The following P2RX7 variants were observed in gnomAD, a reference collection of about 807,000 sequenced individuals.
P2RX7 encodes the protein purinergic receptor P2X 7.
Under a neutral mutation model 71.6 loss-of-function variants are expected in P2RX7, and 62 were observed. The ratio of observed to expected loss-of-function variants is 0.87; its 90% CI spans 0.71 to 1.07. The LOEUF (loss-of-function observed/expected upper bound fraction) is 1.07, where lower values mean the gene tolerates loss of function less well. Ranked by LOEUF, P2RX7 falls within the 50% of genes least tolerant of loss-of-function variation. The pLI is 0.00. For synonymous variants in P2RX7, 299 were observed against 283.3 expected, an observed-to-expected ratio of 1.06 and a Z score of -0.56; for missense variants, 686 against 748.5, an observed-to-expected ratio of 0.92 and a Z score of 0.97.
At chr12:121,151,111 C>T (rs1877300207) in intron 1 of P2RX7, among the ~76,000 whole-genome samples, 1 of 152,144 alleles carries the variant, frequency 6.6e-6, no homozygotes, top group Non-Finnish European at 1.5e-5. Context: ...GCAGCCTGAG[C>T]TACTTGGGAG....
rs375932983 is a variant in P2RX7 at position 121,170,572 on chromosome 12, C to T, written c.881+2948C>T. 6.6e-5 allele frequency among the ~76,000 whole-genome samples: 10 copies of T among 152,168 alleles called. No individual in the cohort carries two copies. The East Asian group carries it at 1.7e-3, about 26-fold the overall frequency. On this transcript the variant is annotated intron_variant, in intron 8 of 12. Coordinates refer to ENST00000328963, the MANE Select transcript of P2RX7 (RefSeq NM_002562.6). ...GGAGGATCACCTGAGGTCAGGAGTT[C>T]GAGACCAGCCTGGCCAACATGGTGA...
chr12:121,136,620 C>G (rs1363631642), intron 1 of P2RX7, among the ~76,000 whole-genome samples: 3 of 151,210 alleles, frequency 2.0e-5, no homozygotes, highest in African/African-American at 7.3e-5. Flanking sequence ...CTTTGTCTGG[C>G]CTACAATTCC....
rs549584444 is a variant in P2RX7 at position 121,133,584 on chromosome 12, A to G, written c.125+489A>G. 4.6e-5 allele frequency among the ~76,000 whole-genome samples: 7 copies of G among 152,346 alleles called. No individual in the cohort carries two copies. In the South Asian group the frequency reaches 1.0e-3, roughly 23 times the overall value. On this transcript the variant is annotated intron_variant, in intron 1 of 12. Coordinates refer to ENST00000328963, the MANE Select transcript of P2RX7 (RefSeq NM_002562.6). ...AGAAACTTACTGAGATATAATTTAT[A>G]CACCATACAATTGACCCATTTAAAG...
intron 1 of P2RX7, among the ~76,000 whole-genome samples, chr12:121,135,743 C>G (rs548548107): frequency 1.3e-5 from 2 of 151,728 alleles, no homozygotes; most frequent in South Asian, 4.2e-4. Context: ...TGGCCCATGC[C>G]TGTAATTCCA....
chr12:121,134,274 C>G (rs757826777), intron 1 of P2RX7, among the ~76,000 whole-genome samples: 1 of 152,150 alleles, frequency 6.6e-6, no homozygotes, highest in African/African-American at 2.4e-5. Context: ...GAATGTGGAG[C>G]TGAATTTCAC....
intron 3 of P2RX7, 21 bp downstream of exon 3, chr12:121,156,168 G>A: frequency 6.2e-7 from 1 of 1,600,824 alleles, no homozygotes; most frequent in Non-Finnish European, 8.6e-7. Context: ...GACCTGGAGT[G>A]GTGGGTCAGG....
At chr12:121,140,419 A>G (rs1874607280) in intron 1 of P2RX7, among the ~76,000 whole-genome samples, 1 of 152,186 alleles carries the variant, frequency 6.6e-6, no homozygotes, top group Non-Finnish European at 1.5e-5. Context: ...CACTGTGCAG[A>G]GCATAGAGTG....
chr12:121,139,358 G>A (rs140455410), intron 1 of P2RX7, among the ~76,000 whole-genome samples: 2 of 152,220 alleles, frequency 1.3e-5, no homozygotes, highest in Admixed American at 6.5e-5. Context: ...CTGGAGACCA[G>A]TCCTCACAGA....
intron 1 of P2RX7, among the ~76,000 whole-genome samples, chr12:121,143,222 A>G (rs1418241983): frequency 1.1e-5 from 1 of 88,206 alleles, no homozygotes; most frequent in African/African-American, 7.4e-5. Context: ...TCTCTCTACT[A>G]AAAAAAAAAA....
chr12:121,134,768 C>T (rs534613428), intron 1 of P2RX7, among the ~76,000 whole-genome samples: 52 of 151,400 alleles, frequency 3.4e-4, no homozygotes, highest in African/African-American at 9.8e-4. Context: ...TTTGAATTTC[C>T]CTGATGGTGA....
At chr12:121,148,513 C>G (rs889033985) in intron 1 of P2RX7, among the ~76,000 whole-genome samples, 1 of 152,140 alleles carries the variant, frequency 6.6e-6, no homozygotes, top group African/African-American at 2.4e-5. Context: ...CCGCACCCAG[C>G]TGTGATCTTA....
Position 121,165,385 on chromosome 12 carries a change from T to C in P2RX7, c.562T>C (p.Phe188Leu), listed in dbSNP as rs1259565310. 5.6e-6 allele frequency: 9 copies of C among 1,613,908 alleles called. No individual in the cohort carries two copies. In the South Asian group the frequency reaches 9.9e-5, roughly 18 times the overall value. The change falls in exon 6 of 13, where the codon TTC becomes CTC. Residue 188 changes from phenylalanine to leucine, a missense_variant. Physicochemically the swap from Phe to Leu is conservative, Grantham distance 22 (BLOSUM62 0). Transcript: ENST00000328963. ...RPALLNSAEN[F>L]TVLIKNNIDF... is the part of the protein sequence containing the mutation. ...TGCTCTCTTGAACAGTGCCGAAAAC[T>C]TCACTGTGCTCATCAAGAACAATAT...
chr12:121,156,632 TCTC>T (rs1878632711), intron 3 of P2RX7, among the ~76,000 whole-genome samples: 1 of 152,130 alleles, frequency 6.6e-6, no homozygotes, highest in South Asian at 2.1e-4. Context: ...ACTCACAGCT[TCTC>T]CTACCATGGT....
At chr12:121,160,153 T>C (rs1340735930) in intron 3 of P2RX7, among the ~76,000 whole-genome samples, 5 of 151,838 alleles carry the variant, frequency 3.3e-5, no homozygotes, top group African/African-American at 1.2e-4. Flanking sequence ...TTCCTTCCTT[T>C]CTTTCTTTTT....
At chr12:121,167,084 G>C (rs943284075) in intron 7 of P2RX7, among the ~76,000 whole-genome samples, 1 of 151,218 alleles carries the variant, frequency 6.6e-6, no homozygotes, top group East Asian at 1.9e-4. Flanking sequence ...TCATGTATTC[G>C]CATCTGCAAA....
chr12:121,171,541 T>C (rs1260928802), intron 8 of P2RX7, among the ~76,000 whole-genome samples: 3 of 152,018 alleles, frequency 2.0e-5, no homozygotes, highest in Non-Finnish European at 4.4e-5. Context: ...CAGGATAATC[T>C]CATCTTGAGA....
chr12:121,180,859 A>G (rs1000409341), intron 12 of P2RX7, among the ~76,000 whole-genome samples: 3 of 151,862 alleles, frequency 2.0e-5, no homozygotes, highest in Admixed American at 2.0e-4. Flanking sequence ...AGCTACTCAG[A>G]AGGCTGAGGC....
chr12:121,159,604 G>C (rs571680780), intron 3 of P2RX7, among the ~76,000 whole-genome samples: 40 of 152,210 alleles, frequency 2.6e-4, no homozygotes, highest in African/African-American at 9.2e-4. Flanking sequence ...ATGACAAAGA[G>C]CAGAGGCCAT....
intron 1 of P2RX7, among the ~76,000 whole-genome samples, chr12:121,137,675 C>G (rs1030677507): frequency 4.6e-5 from 7 of 152,196 alleles, no homozygotes; most frequent in African/African-American, 1.7e-4. Flanking sequence ...CTCTGTGAAG[C>G]CTTAAGTTCG....
Sources: allele counts gnomAD v4.1 joint callset (sites outside exome capture counted in the v4.1 genomes callset), GRCh38; gene constraint gnomAD v4.1.1; transcripts MANE v1.5; gene names NCBI Gene and HGNC (gene_info 2026-07-23, HGNC 2026-07-21).